The following PCDHA12 variants were observed in gnomAD, a reference collection of about 807,000 sequenced individuals.
PCDHA12 encodes protocadherin alpha-12.
Under a neutral mutation model 60.0 loss-of-function variants are expected in PCDHA12, and 44 were observed. That is an observed-to-expected ratio of 0.73 (90% CI 0.58 to 0.94). The LOEUF (loss-of-function observed/expected upper bound fraction) is 0.94, where lower values mean the gene tolerates loss of function less well. Ranked by LOEUF, PCDHA12 falls within the 40% of genes least tolerant of loss-of-function variation. The pLI, the probability that PCDHA12 is intolerant of heterozygous loss-of-function variation, is 0.00. For missense variants in PCDHA12, 1,276 were observed against 1,239.7 expected, an observed-to-expected ratio of 1.03 and a Z score of -0.44; for synonymous variants, 569 against 553.0, an observed-to-expected ratio of 1.03 and a Z score of -0.40.
chr5:140,992,976 AG>A (rs2097535791), intron 3 of PCDHA12, among the ~76,000 whole-genome samples: 3 of 152,240 alleles, frequency 2.0e-5, no homozygotes, highest in Non-Finnish European at 4.4e-5. Flanking sequence ...GACAATGATT[AG>A]GCCATGGGAC....
rs370742022 is a variant in PCDHA12, at chr5:140,875,452, C to G, written c.-21C>G. On this transcript the variant is annotated 5_prime_UTR_variant, in exon 1 of 4. Transcript: ENST00000398631. Reference sequence around the variant, plus strand: ...TCCCTTAAAACTGATTGTCCCAACTCAGAGGCCCTCATTTTCTGCAATGGT... The same window carrying G: ...TCCCTTAAAACTGATTGTCCCAACTGAGAGGCCCTCATTTTCTGCAATGGT... The G allele has an allele frequency of 6.3e-7, 1 of 1,592,452 alleles. No homozygotes were observed. Among genetic ancestry groups the G allele is most frequent in the Non-Finnish European group, 8.6e-7 (1 of 1,169,312 alleles).
rs571779587 is a variant in PCDHA12 at position 140,961,550 on chromosome 5, C to CT, written c.2368-17392dup. 1.8e-3 allele frequency among the ~76,000 whole-genome samples: 273 copies of CT among 152,148 alleles called. 1 individual carries two copies. Among genetic ancestry groups the CT allele is most frequent in the Middle Eastern group, 3.4e-3 (1 of 294 alleles). ...TAGATAGACTGTTCCTGCAGCATTT[C>CT]TTTTTTTAAATTTTGTTTTGATAAG... On this transcript the variant is annotated intron_variant, in intron 1 of 3. Transcript: ENST00000398631.
intron 1 of PCDHA12, among the ~76,000 whole-genome samples, chr5:140,903,538 C>G (rs562932214): frequency 7.9e-5 from 12 of 152,208 alleles, no homozygotes; most frequent in African/African-American, 2.6e-4. Context: ...TAAACTAGAG[C>G]AAGAAACTTT....
At chr5:140,901,644 G>A (rs1223864756) in intron 1 of PCDHA12, among the ~76,000 whole-genome samples, 1 of 152,024 alleles carries the variant, frequency 6.6e-6, no homozygotes, top group Non-Finnish European at 1.5e-5. Context: ...GATTCTTCCG[G>A]TTTTGTTCTT....
At chr5:140,884,281 G>C in intron 1 of PCDHA12, 4 of 1,613,614 alleles carry the variant, frequency 2.5e-6, no homozygotes, top group Non-Finnish European at 3.4e-6. Flanking sequence ...CGCTGGTGGA[G>C]AGCGGCCAAG....
At chr5:140,959,499 C>T (rs2095491321) in intron 1 of PCDHA12, among the ~76,000 whole-genome samples, 1 of 151,982 alleles carries the variant, frequency 6.6e-6, no homozygotes. Flanking sequence ...ATGGATCAAA[C>T]TAAAAAATTT....
chr5:140,999,614 A>G (rs572897182), intron 3 of PCDHA12, among the ~76,000 whole-genome samples: 1 of 152,302 alleles, frequency 6.6e-6, no homozygotes, highest in African/African-American at 2.4e-5. Flanking sequence ...GGACCTTATC[A>G]ACCAGGAAAC....
Position 141,002,117 on chromosome 5 carries a change from C to T in PCDHA12, c.2516-7510C>T, listed in dbSNP as rs74680186. Among the ~76,000 whole-genome samples, 37 of 152,378 alleles carry T rather than the reference C, an allele frequency of 2.4e-4. 1 individual carries two copies. The East Asian group carries it at 6.0e-3, about 25-fold the overall frequency. ...GGGCTGGGCCGGAAACGGCTATAAT[C>T]ATTTAATAGCCTTTGCCGGCTGCAC... On this transcript the variant is annotated intron_variant, in intron 3 of 3. Transcript: ENST00000398631.
At chr5:140,973,088 A>G (rs2096571573) in intron 1 of PCDHA12, among the ~76,000 whole-genome samples, 4 of 152,204 alleles carry the variant, frequency 2.6e-5, no homozygotes, top group African/African-American at 7.2e-5. Flanking sequence ...CTGGCACAAC[A>G]TGTAGAAATT....
intron 1 of PCDHA12, chr5:140,930,529 C>T (rs1175564392): frequency 6.6e-6 from 1 of 152,500 alleles, no homozygotes; most frequent in African/African-American, 2.4e-5. Flanking sequence ...GGCCCTCAAA[C>T]TTCTTGAGTG....
At chr5:140,968,464 C>T (rs1554230763) in intron 1 of PCDHA12, 4 of 1,613,996 alleles carry the variant, frequency 2.5e-6, no homozygotes, top group Admixed American at 1.7e-5. Flanking sequence ...TGACTGCCAA[C>T]GTATATGTGG....
At chr5:141,008,352 A>C (rs549122044) in intron 3 of PCDHA12, among the ~76,000 whole-genome samples, 2 of 152,322 alleles carry the variant, frequency 1.3e-5, no homozygotes, top group South Asian at 4.1e-4. Flanking sequence ...TTCACGTGTC[A>C]ACCAAAGGAG....
intron 1 of PCDHA12, among the ~76,000 whole-genome samples, chr5:140,974,994 A>G (rs901871984): frequency 6.6e-6 from 1 of 152,126 alleles, no homozygotes; most frequent in South Asian, 2.1e-4. Context: ...AGGTATTCTC[A>G]AGGCTGAAAT....
intron 1 of PCDHA12, among the ~76,000 whole-genome samples, chr5:140,960,278 T>A (rs2095536864): frequency 6.6e-6 from 1 of 152,192 alleles, no homozygotes. Context: ...CGTCACCTTT[T>A]TGGGACCCAG....
intron 1 of PCDHA12, among the ~76,000 whole-genome samples, chr5:140,978,243 C>T (rs2096793691): frequency 6.6e-6 from 1 of 152,170 alleles, no homozygotes; most frequent in South Asian, 2.1e-4. Context: ...ATTTCAGCTA[C>T]TCCCTGTTAA....
rs1439703522 is a variant in PCDHA12 at position 140,876,876 on chromosome 5, C to T, written c.1404C>T (p.Asn468=). 1 of 1,614,012 alleles carries T rather than the reference C, an allele frequency of 6.2e-7. No homozygotes were observed. The highest frequency in any genetic ancestry group is 8.5e-7 in the Non-Finnish European group (1 of 1,180,004). ...PEYTVFVKEN[N]PPGCHIFTVS... The stretch of plus-strand genomic sequence containing the variant: ...ACACAGTGTTCGTGAAGGAGAACAA[C>T]CCGCCGGGCTGCCACATCTTCACGG... Residue 468 remains asparagine (N), a synonymous_variant, in exon 1 of 4, where the codon AAC becomes AAT. Transcript: ENST00000398631.
rs80062832 is a variant in PCDHA12 at position 140,889,250 on chromosome 5, C to T, written c.2367+11411C>T. ...AAAACTTCCAGAAAATTTTCTGTTT[C>T]CTGTAAAAGTTTGTATAATCTTTGA... On this transcript the variant is annotated intron_variant, in intron 1 of 3. Transcript: ENST00000398631. Among the ~76,000 whole-genome samples, 79 of 151,798 alleles carry T rather than the reference C, an allele frequency of 5.2e-4. No homozygotes were observed. In the East Asian group the frequency reaches 0.014, roughly 27 times the overall value.
At position 140,877,417 on chromosome 5, in the gene PCDHA12, G is replaced by T. The variant is rs782190793; in HGVS notation, c.1945G>T (p.Val649Leu). 5 of 1,613,822 alleles carry T rather than the reference G, an allele frequency of 3.1e-6. No individual in the cohort carries two copies. Among genetic ancestry groups the T allele is most frequent in the Admixed American group, 1.7e-5 (1 of 59,994 alleles). The change falls in exon 1 of 4, where the codon GTG (valine) becomes TTG (leucine). Residue 649 changes from valine (V) to leucine (L), a missense_variant. Coordinates refer to ENST00000398631, the MANE Select transcript of PCDHA12 (RefSeq NM_018903.4). ...GGACGCTCCGCGCCACCGCCTGCTG[G>T]TGCTGGTGAAGGACCACGGTGAGCC... ...EADAPRHRLLVLVKDHGEPAL... is the reference protein window; with the variant it reads ...EADAPRHRLLLLVKDHGEPAL...
intron 1 of PCDHA12, among the ~76,000 whole-genome samples, chr5:140,892,059 G>A (rs1165045634): frequency 6.6e-6 from 1 of 152,108 alleles, no homozygotes; most frequent in African/African-American, 2.4e-5. Context: ...CAAATTTATT[G>A]TTACTTTGTA....
Sources: allele counts gnomAD v4.1 joint callset (sites outside exome capture counted in the v4.1 genomes callset), GRCh38; gene constraint gnomAD v4.1.1; transcripts MANE v1.5; gene names NCBI Gene and HGNC (gene_info 2026-07-23, HGNC 2026-07-21).